L3MBTL3: variants seen among roughly 807,000 people sequenced by gnomAD.
L3MBTL3 encodes the protein L3MBTL histone methyl-lysine binding protein 3.
L3MBTL3 carries 27 observed loss-of-function variants against 102.3 expected under a neutral mutation model. The ratio of observed to expected loss-of-function variants is 0.26; its 90% CI spans 0.19 to 0.36. The LOEUF is 0.36. Ranked by LOEUF, L3MBTL3 falls within the 10% of genes least tolerant of loss-of-function variation. The pLI is 1.00. For missense variants in L3MBTL3, 798 were observed against 955.3 expected, an observed-to-expected ratio of 0.84 and a Z score of 2.17; for synonymous variants, 340 against 320.9, an observed-to-expected ratio of 1.06 and a Z score of -0.64.
rs79827027 is a variant in L3MBTL3 at position 130,131,044 on chromosome 6, A to G, written c.1967-2408A>G. Among the ~76,000 whole-genome samples, 26 of 152,352 alleles carry G rather than the reference A, an allele frequency of 1.7e-4. No homozygotes were observed. The East Asian group carries it at 5.0e-3, about 29-fold the overall frequency. ...ATAAATTTAACAAAAGATGTGCAAG[A>G]TCTCTACCTGAAAATGACAAAATAT... is the stretch of plus-strand genomic sequence containing the variant. On this transcript the variant is annotated intron_variant, in intron 20 of 22. Transcript: ENST00000361794.
intron 18 of L3MBTL3, among the ~76,000 whole-genome samples, chr6:130,095,316 T>C (rs1290364228): frequency 2.0e-5 from 3 of 152,212 alleles, no homozygotes; most frequent in Non-Finnish European, 4.4e-5. Flanking sequence ...ATTATTTTCA[T>C]GTGGATATAG....
intron 18 of L3MBTL3, among the ~76,000 whole-genome samples, chr6:130,099,030 A>G (rs1784527640): frequency 6.6e-6 from 1 of 151,992 alleles, no homozygotes; most frequent in Admixed American, 6.6e-5. Context: ...TACAATTAAA[A>G]GGGTTTTTAA....
At chr6:130,070,283 T>C (rs979425771) in intron 12 of L3MBTL3, among the ~76,000 whole-genome samples, 1 of 152,232 alleles carries the variant, frequency 6.6e-6, no homozygotes, top group African/African-American at 2.4e-5. Flanking sequence ...CCTTAAGCAC[T>C]AACTCTTACA....
intron 3 of L3MBTL3, among the ~76,000 whole-genome samples, chr6:130,046,574 A>G (rs577919235): frequency 2.0e-5 from 3 of 152,354 alleles, no homozygotes; most frequent in South Asian, 2.1e-4. Context: ...TATTTCAGGC[A>G]TAATTTTTTT....
intron 3 of L3MBTL3, 68 bp from the exon 4 acceptor site, chr6:130,049,214 G>A: frequency 1.2e-6 from 1 of 869,002 alleles, no homozygotes; most frequent in Non-Finnish European, 1.9e-6. Flanking sequence ...ATATGTGTCA[G>A]CCATTAAATA....
intron 20 of L3MBTL3, among the ~76,000 whole-genome samples, 175 bp downstream of exon 20, chr6:130,121,133 C>T (rs192846106): frequency 7.9e-5 from 12 of 152,178 alleles, no homozygotes; most frequent in Admixed American, 3.3e-4. Flanking sequence ...TAGGTAAACT[C>T]GTGTCATGAG....
intron 1 of L3MBTL3, among the ~76,000 whole-genome samples, chr6:130,019,942 C>G (rs1778844376): frequency 7.3e-6 from 1 of 136,564 alleles, no homozygotes; most frequent in East Asian, 2.2e-4. Flanking sequence ...CCGCGCCGGC[C>G]CGGGTGCGGG....
intron 13 of L3MBTL3, among the ~76,000 whole-genome samples, chr6:130,076,885 C>T (rs4321846): frequency 0.46 from 69,764 of 151,922 alleles, 17,405 homozygotes; most frequent in African/African-American, 0.66. Context: ...TTTTAAGTGG[C>T]GACTTTGATC....
chr6:130,032,085 G>T (rs1428479741), intron 2 of L3MBTL3, among the ~76,000 whole-genome samples: 1 of 151,858 alleles, frequency 6.6e-6, no homozygotes, highest in Non-Finnish European at 1.5e-5. Flanking sequence ...GCTGATTTTT[G>T]CATTTTCTTG....
chr6:130,085,996 G>A (rs909069451), intron 15 of L3MBTL3, 144 bp from the exon 16 acceptor site: 33 of 563,336 alleles, frequency 5.9e-5, no homozygotes, highest in Middle Eastern at 6.7e-4. Context: ...CAAGTGATCC[G>A]CCCGCCTCAG....
At chr6:130,043,234 A>C (rs1780533394) in intron 3 of L3MBTL3, among the ~76,000 whole-genome samples, 1 of 152,222 alleles carries the variant, frequency 6.6e-6, no homozygotes, top group Non-Finnish European at 1.5e-5. Context: ...ATAATGTTAA[A>C]GTATTGAATA....
intron 10 of L3MBTL3, 64 bp from the exon 11 acceptor site, chr6:130,066,289 T>TAC: frequency 1.9e-6 from 1 of 529,804 alleles, no homozygotes; most frequent in Non-Finnish European, 2.9e-6. Context: ...TTTTTGTGTA[T>TAC]ATATATATAT....
Position 130,104,516 on chromosome 6 carries a change from G to A in L3MBTL3, c.1827G>A (p.Pro609=), listed in dbSNP as rs183801786. Reference sequence around the variant, plus strand: ...GTGGTGAGATGCCTCCGGCTAGTCCGTCATTTCCAAGAAATAAAAGGACAG... The same window carrying A: ...GTGGTGAGATGCCTCCGGCTAGTCCATCATTTCCAAGAAATAAAAGGACAG... ...RLSGEMPPAS[P]SFPRNKRTDA... Residue 609 remains proline, a synonymous_variant, in exon 19 of 23, where the codon CCG becomes CCA. Transcript: ENST00000361794. The A allele has an allele frequency of 2.3e-5, 37 of 1,592,420 alleles. No homozygotes were observed. The highest frequency in any genetic ancestry group is 2.3e-4 in the East Asian group (10 of 43,916).
intron 9 of L3MBTL3, 134 bp downstream of exon 9, chr6:130,057,631 T>C (rs1781593561): frequency 6.9e-6 from 5 of 729,590 alleles, no homozygotes; most frequent in Admixed American, 2.7e-5. Context: ...CGTGTGTTTA[T>C]ATGGAGGGCA....
At chr6:130,139,488 G>T (rs901016682) in intron 22 of L3MBTL3, 122 bp from the exon 23 acceptor site, 3 of 868,562 alleles carry the variant, frequency 3.5e-6, no homozygotes, top group African/African-American at 1.7e-5. Context: ...TTGCACACGT[G>T]AACTTCTCTG....
At chr6:130,089,712 T>A (rs1245890789) in intron 16 of L3MBTL3, among the ~76,000 whole-genome samples, 2 of 152,106 alleles carry the variant, frequency 1.3e-5, no homozygotes, top group Non-Finnish European at 2.9e-5. Flanking sequence ...TTTCTCCACA[T>A]CCTCTCCAGC....
At chr6:130,021,699 G>T (rs1376232105) in intron 1 of L3MBTL3, among the ~76,000 whole-genome samples, 1 of 152,338 alleles carries the variant, frequency 6.6e-6, no homozygotes, top group East Asian at 1.9e-4. Flanking sequence ...TCTGATAAGT[G>T]TAAGGCAATT....
intron 2 of L3MBTL3, among the ~76,000 whole-genome samples, chr6:130,037,174 ACAAATGCTATTAT>A (rs1409950676): frequency 6.6e-6 from 1 of 152,220 alleles, no homozygotes; most frequent in African/African-American, 2.4e-5. Flanking sequence ...TATCTGGTGA[ACAAATGCTATTAT>A]CAAATGCTAT....
At chr6:130,038,030 G>A (rs553823501) in intron 2 of L3MBTL3, among the ~76,000 whole-genome samples, 10 of 150,966 alleles carry the variant, frequency 6.6e-5, no homozygotes, top group African/African-American at 2.4e-4. Context: ...TGTGATATTT[G>A]TCTTTCTGAG....
Sources: allele counts gnomAD v4.1 joint callset (sites outside exome capture counted in the v4.1 genomes callset), GRCh38; gene constraint gnomAD v4.1.1; transcripts MANE v1.5; gene names NCBI Gene and HGNC (gene_info 2026-07-23, HGNC 2026-07-21).